Variants in ONECUT3 observed in about 807,000 individuals in gnomAD.
ONECUT3 encodes the protein one cut domain family member 3.
Under a neutral mutation model 16.8 loss-of-function variants are expected in ONECUT3, and 11 were observed. That is an observed-to-expected ratio of 0.66 (90% CI 0.41 to 1.09). The LOEUF is 1.09. Among genes scored for constraint, ONECUT3 ranks in the 50% least tolerant of loss-of-function variants. The pLI is 0.00. For synonymous variants in ONECUT3, 344 were observed against 310.7 expected (o/e 1.11, Z -1.13); for missense variants, 637 against 629.9 (o/e 1.01, Z -0.12).
rs1328968902 is a variant in ONECUT3 at position 1,754,758 on chromosome 19, T to C, written c.1096T>C (p.Trp366Arg). ...LSDLLRNPKPWSKLKSGRETF... is the reference protein window; with the variant it reads ...LSDLLRNPKPRSKLKSGRETF... ...CGACCTGCTGCGCAACCCCAAGCCG[T>C]GGAGCAAGCTCAAATCCGGCCGCGA... The change falls in exon 1 of 2, where the codon TGG becomes CGG. Residue 366 changes from tryptophan (W) to arginine (R), a missense_variant. Around this residue, in one of 3 missense-constraint regions of ONECUT3, gnomAD observed 183 missense variants for 188.3 expected, o/e 0.97. Transcript: ENST00000382349. The surrounding 1 kb of genome is among the most constrained non-coding windows in gnomAD (Gnocchi z 7.4). 1 of 1,571,598 alleles carries C rather than the reference T, an allele frequency of 6.4e-7. No homozygotes were observed. Among genetic ancestry groups the C allele is most frequent in the Admixed American group, 1.8e-5 (1 of 54,706 alleles).
chr19:1,763,726 T>C (rs2067960333), intron 1 of ONECUT3, among the ~76,000 whole-genome samples: 1 of 109,720 alleles, frequency 9.1e-6, no homozygotes, highest in African/African-American at 3.9e-5. Flanking sequence ...TTTATTTCCC[T>C]TTTTTGTTTT....
rs1219215647 is a variant in ONECUT3 at position 1,775,599 on chromosome 19, C to T, written c.*154C>T. 1.3e-5 allele frequency: 9 copies of T among 668,626 alleles called. No individual in the cohort carries two copies. Among genetic ancestry groups the T allele is most frequent in the South Asian group, 2.2e-5 (1 of 45,382 alleles). The allele number at this position is 668,626 out of a possible 1,614,324, so 41.4% of individuals were successfully genotyped here. A position where few individuals can be genotyped will look rare whatever the true frequency, so the allele number is the denominator to read the frequency against. ...CCCACACCCGGGGAGGGGGAAGCAG[C>T]ACACCCCCCAGCCCAAGTGCACAAA... On this transcript the variant is annotated 3_prime_UTR_variant, in exon 2 of 2. Transcript: ENST00000382349.
At position 1,779,155 on chromosome 19, in the gene ONECUT3, A is replaced by T. The variant is rs929236286; in HGVS notation, c.*3710A>T. The T allele has an allele frequency of 2.0e-4, 27 of 137,706 alleles. No individual in the cohort carries two copies. The highest frequency in any genetic ancestry group is 8.0e-4 in the African/African-American group (26 of 32,412). The allele number at this position is 137,706 out of a possible 1,614,324, so 8.5% of individuals were successfully genotyped here. ...ATTTAATGTATAGTTTATGTGATTA[A>T]AAAAAAATCCTTAGCTAGTTTTTGG... On this transcript the variant is annotated 3_prime_UTR_variant, in exon 2 of 2. Coordinates refer to ENST00000382349, the MANE Select transcript of ONECUT3 (RefSeq NM_001080488.2).
At chr19:1,761,854 C>G (rs553004137) in intron 1 of ONECUT3, among the ~76,000 whole-genome samples, 2 of 152,266 alleles carry the variant, frequency 1.3e-5, no homozygotes, top group East Asian at 3.9e-4. Context: ...CTCCTGAGTC[C>G]CGAGTGTGGG....
rs1353889214 is a variant in ONECUT3, at chr19:1,764,150, TC to T, written c.1192+9297del. On this transcript the variant is annotated intron_variant, in intron 1 of 1. Transcript: ENST00000382349. This position sits in a 1 kb window ranked among gnomAD's most constrained non-coding sequence, Gnocchi z 5.0. ...GTCTCCGTAACATTTTTTTTAAAAATCAACGCCTTGTGCGTGCGTGTGTTTG... is the reference window on the plus strand; with the variant it reads ...GTCTCCGTAACATTTTTTTTAAAAATAACGCCTTGTGCGTGCGTGTGTTTG... 6.6e-6 allele frequency among the ~76,000 whole-genome samples: 1 copy of T among 152,168 alleles called. No homozygotes were observed. Among genetic ancestry groups the T allele is most frequent in the African/African-American group, 2.4e-5 (1 of 41,432 alleles).
intron 1 of ONECUT3, among the ~76,000 whole-genome samples, chr19:1,765,410 G>A (rs1393522316): frequency 1.3e-5 from 2 of 152,156 alleles, no homozygotes; most frequent in Non-Finnish European, 2.9e-5. Flanking sequence ...AGGCCTCAGA[G>A]AGCCCAGTGG....
chr19:1,773,231 A>G (rs1358746145), intron 1 of ONECUT3, among the ~76,000 whole-genome samples: 1 of 138,546 alleles, frequency 7.2e-6, no homozygotes, highest in Non-Finnish European at 1.6e-5. Flanking sequence ...CCCCCACCAA[A>G]CCATTTTTCT....
At chr19:1,768,770 G>T (rs1343976511) in intron 1 of ONECUT3, among the ~76,000 whole-genome samples, 1 of 152,028 alleles carries the variant, frequency 6.6e-6, no homozygotes, top group Admixed American at 6.5e-5. Context: ...GAGGAAGGGG[G>T]TGAGTAAAAG....
At position 1,755,768 on chromosome 19, in the gene ONECUT3, C is replaced by T. The variant is rs539406968; in HGVS notation, c.1192+914C>T. On this transcript the variant is annotated intron_variant, in intron 1 of 1. Coordinates refer to ENST00000382349, the MANE Select transcript of ONECUT3 (RefSeq NM_001080488.2). This position sits in a 1 kb window ranked among gnomAD's most constrained non-coding sequence, Gnocchi z 7.5. ...TCTCCGCCTCTGTCTCTGTCTCATA[C>T]TCAGCCACCGGCCCCCTGGGGACCC... Among the ~76,000 whole-genome samples the T allele has an allele frequency of 6.6e-6, 1 of 152,330 alleles. No homozygotes were observed. The highest frequency in any genetic ancestry group is 2.1e-4 in the South Asian group (1 of 4,818).
At chr19:1,761,664 G>C (rs1187379605) in intron 1 of ONECUT3, among the ~76,000 whole-genome samples, 1 of 152,178 alleles carries the variant, frequency 6.6e-6, no homozygotes, top group Non-Finnish European at 1.5e-5. Context: ...GTGGAATCAA[G>C]TTCTTAATTA....
chr19:1,763,938 G>T (rs138397489), intron 1 of ONECUT3, among the ~76,000 whole-genome samples: 12 of 152,192 alleles, frequency 7.9e-5, no homozygotes, highest in Admixed American at 7.8e-4. Context: ...CACCATAGCG[G>T]CTGCAATGAA....
rs916197948 is a variant in ONECUT3 at position 1,758,057 on chromosome 19, C to T, written c.1192+3203C>T. On this transcript the variant is annotated intron_variant, in intron 1 of 1. Coordinates refer to ENST00000382349, the MANE Select transcript of ONECUT3 (RefSeq NM_001080488.2). The surrounding 1 kb of genome is among the most constrained non-coding windows in gnomAD (Gnocchi z 5.9). ...GGCGGGCCACGCGTTTCCGCAGGTG[C>T]CGAGTGTCCTGCCGGGCGCCGGGGC... 1.2e-4 allele frequency among the ~76,000 whole-genome samples: 18 copies of T among 152,260 alleles called. No individual in the cohort carries two copies. The highest frequency in any genetic ancestry group is 7.8e-4 in the East Asian group (4 of 5,150).
chr19:1,774,022 A>C (rs12611401), intron 1 of ONECUT3, among the ~76,000 whole-genome samples: 58,687 of 151,760 alleles, frequency 0.39, 11,746 homozygotes, highest in Middle Eastern at 0.48. Context: ...GGGCTGACCA[A>C]GAGGAAGGGT....
chr19:1,770,789 A>G (rs72971559), intron 1 of ONECUT3, among the ~76,000 whole-genome samples: 4 of 152,106 alleles, frequency 2.6e-5, no homozygotes, highest in African/African-American at 4.8e-5. Flanking sequence ...ATTTCCTTCC[A>G]TGTTTCTTTA....
In ONECUT3 at chr19:1,754,374, A is replaced by G; in HGVS notation, c.712A>G (p.Lys238Glu). The change falls in exon 1 of 2, where the codon AAG (lysine) becomes GAG (glutamate). Residue 238 changes from lysine to glutamate, a missense_variant. Lys to Glu is a moderately conservative substitution (Grantham distance 56). Around this residue, in one of 3 missense-constraint regions of ONECUT3, gnomAD observed 419 missense variants for 377.9 expected, o/e 1.11. Transcript: ENST00000382349. This position sits in a 1 kb window ranked among gnomAD's most constrained non-coding sequence, Gnocchi z 7.4. Reference sequence around the variant, plus strand: ...CCCGCCAGGCCACCTGGCTGGGGACAAGCTGCTGCCGCCCGCCGCCTTCGA... The same window carrying G: ...CCCGCCAGGCCACCTGGCTGGGGACGAGCTGCTGCCGCCCGCCGCCTTCGA... ...YGPPGHLAGD[K>E]LLPPAAFEPH... The G allele has an allele frequency of 9.1e-7, 1 of 1,104,014 alleles. No homozygotes were observed. The highest frequency in any genetic ancestry group is 1.1e-6 in the Non-Finnish European group (1 of 898,342). 68.4% of individuals were successfully genotyped at this position (1,104,014 alleles called of 1,614,324 possible). A position where few individuals can be genotyped will look rare whatever the true frequency, so the allele number is the denominator to read the frequency against.
At position 1,753,674 on chromosome 19, in the gene ONECUT3, C is replaced by G; in HGVS notation, c.12C>G (p.Ser4Arg). Reference protein sequence around the residue: MELSLESLGGLHSV... With the variant: MELRLESLGGLHSV... ...GAGGGCAGCCGAGCATGGAGCTGAG[C>G]CTGGAGAGCCTGGGGGGCCTGCACA... Residue 4 changes from serine (S) to arginine (R), a missense_variant, in exon 1 of 2, where the codon AGC (serine) becomes AGG (arginine). This residue lies in a region of ONECUT3 where 419 missense variants were observed against 377.9 expected (regional missense o/e 1.11). Transcript: ENST00000382349. 5.7e-6 allele frequency: 6 copies of G among 1,050,994 alleles called. No individual in the cohort carries two copies. The highest frequency in any genetic ancestry group is 6.9e-6 in the Non-Finnish European group (6 of 873,522). 65.1% of individuals were successfully genotyped at this position (1,050,994 alleles called of 1,614,324 possible).
Position 1,775,207 on chromosome 19 carries a change from A to G in ONECUT3, c.1247A>G (p.Lys416Arg), listed in dbSNP as rs543634669. The change falls in exon 2 of 2, where the codon AAG becomes AGG. Residue 416 changes from lysine to arginine, a missense_variant. Transcript: ENST00000382349. ...QQKERALQPK[K>R]QRLVFTDLQR... ...AAGGAGCGCGCCCTGCAGCCCAAGA[A>G]GCAGCGCCTGGTGTTCACCGACCTG... 36 of 1,491,190 alleles carry G rather than the reference A, an allele frequency of 2.4e-5. No individual in the cohort carries two copies. Among genetic ancestry groups the G allele is most frequent in the Non-Finnish European group, 3.2e-5 (36 of 1,108,480 alleles). 92.4% of individuals were successfully genotyped at this position (1,491,190 alleles called of 1,614,324 possible).
Position 1,778,865 on chromosome 19 carries a change from A to AACACACACAC in ONECUT3, c.*3420_*3421insACACACACAC, listed in dbSNP as rs1186684164. The AACACACACAC allele has an allele frequency of 4.1e-4, 38 of 92,158 alleles. No homozygotes were observed. Among genetic ancestry groups the AACACACACAC allele is most frequent in the Admixed American group, 1.6e-3 (13 of 8,276 alleles). The allele number at this position is 92,158 out of a possible 1,614,324, so 5.7% of individuals were successfully genotyped here. The stretch of plus-strand genomic sequence containing the variant: ...CTGGATCCTTTTCAGATATCTTCGT[A>AACACACACAC]TCACACACACACACACACACACACA... On this transcript the variant is annotated 3_prime_UTR_variant, in exon 2 of 2. Coordinates refer to ENST00000382349, the MANE Select transcript of ONECUT3 (RefSeq NM_001080488.2).
intron 1 of ONECUT3, 77 bp from the exon 2 acceptor site, chr19:1,775,076 C>A: frequency 1.1e-6 from 1 of 944,640 alleles, no homozygotes; most frequent in Non-Finnish European, 1.5e-6. Flanking sequence ...GGGCGGCGTG[C>A]GCCTCCTGCC....
Sources: gnomAD v4.1 joint callset for allele counts (sites outside exome capture counted in the v4.1 genomes callset) on GRCh38, gnomAD v4.1.1 for gene constraint, gnomAD v4.1.1 regional missense constraint, Gnocchi (gnomAD v3.1) non-coding constraint, MANE v1.5 for transcripts, NCBI Gene and HGNC (gene_info 2026-07-23, HGNC 2026-07-21) for gene names.